Variants in COL23A1 observed in about 807,000 individuals in gnomAD.
COL23A1 encodes the protein collagen alpha-1(XXIII) chain.
A neutral mutation model predicts 99.3 loss-of-function variants in COL23A1; 97 were observed. The ratio of observed to expected loss-of-function variants is 0.98; its 90% confidence interval spans 0.83 to 1.16. The LOEUF (loss-of-function observed/expected upper bound fraction) is 1.16. COL23A1 is among the 50% of genes most tolerant of loss of function. The probability of loss-of-function intolerance (pLI) is 0.00; values close to 1 mark genes in which losing one functional copy is unlikely to be tolerated. For missense variants in COL23A1, 762 were observed against 757.4 expected (o/e 1.01, Z -0.07); for synonymous variants, 320 against 308.2 (o/e 1.04, Z -0.40).
chr5:178,270,375 G>C lies in COL23A1; in HGVS notation c.442-12C>G. The C allele has an allele frequency of 1.2e-6, 2 of 1,613,772 alleles. No homozygotes were observed. The highest frequency in any genetic ancestry group is 8.5e-7 in the Non-Finnish European group (1 of 1,179,886). On this transcript the variant is annotated splice_polypyrimidine_tract_variant and intron_variant, in intron 5 of 28. Transcript: ENST00000390654. ...AAACCCAGGGGTCCCTGGAAAACGAGAGAGAGAGAACACAGGTTACACACG... is the reference window on the plus strand; with the variant it reads ...AAACCCAGGGGTCCCTGGAAAACGACAGAGAGAGAACACAGGTTACACACG...
At chr5:178,586,016 C>T (rs770981408) in intron 1 of COL23A1, among the ~76,000 whole-genome samples, 3 of 152,188 alleles carry the variant, frequency 2.0e-5, no homozygotes, top group African/African-American at 4.8e-5. Flanking sequence ...CTCTTCCCTG[C>T]CCCCTTCCCT....
At chr5:178,240,457 C>A (rs1181660209) in intron 27 of COL23A1, among the ~76,000 whole-genome samples, 1 of 152,232 alleles carries the variant, frequency 6.6e-6, no homozygotes, top group Non-Finnish European at 1.5e-5. Context: ...GCCAGGCCGC[C>A]TACCGCAGGG....
At chr5:178,470,824 A>G (rs1300512271) in intron 2 of COL23A1, among the ~76,000 whole-genome samples, 2 of 152,174 alleles carry the variant, frequency 1.3e-5, no homozygotes, top group Admixed American at 6.5e-5. Flanking sequence ...GGCCCCACTG[A>G]GCGGCCGTTC....
intron 3 of COL23A1, among the ~76,000 whole-genome samples, chr5:178,303,495 GA>G (rs1758181092): frequency 6.6e-6 from 1 of 152,222 alleles, no homozygotes; most frequent in Non-Finnish European, 1.5e-5. Context: ...TTATGGAGAA[GA>G]TCTTTAGAAG....
Position 178,255,013 on chromosome 5 carries a change from A to C in COL23A1, c.896T>G (p.Leu299Arg), listed in dbSNP as rs756939003. Residue 299 changes from leucine to arginine, a missense_variant, in exon 16 of 29, where the codon CTC becomes CGC. Transcript: ENST00000390654. This position sits in a 1 kb window ranked among gnomAD's most constrained non-coding sequence, Gnocchi z 4.2. Reference protein sequence around the residue: ...GAAGPRGAPGLKGEQGDTVVI... With the variant: ...GAAGPRGAPGRKGEQGDTVVI... Reference sequence around the variant, plus strand: ...CACTGTGTCTCCCTGCTCGCCCTTGAGGCCTGGGGCACCCTGAGGCAGGAA... The same window carrying C: ...CACTGTGTCTCCCTGCTCGCCCTTGCGGCCTGGGGCACCCTGAGGCAGGAA... 3.7e-5 allele frequency: 60 copies of C among 1,613,334 alleles called. No homozygotes were observed. The highest frequency in any genetic ancestry group is 1.3e-4 in the Admixed American group (8 of 59,940).
At chr5:178,392,505 G>C (rs924584743) in intron 2 of COL23A1, among the ~76,000 whole-genome samples, 18 of 152,130 alleles carry the variant, frequency 1.2e-4, no homozygotes, top group Non-Finnish European at 4.4e-5. Flanking sequence ...GAATTGCCCT[G>C]GCTAACTGTC....
chr5:178,433,756 T>C (rs1355317342), intron 2 of COL23A1, among the ~76,000 whole-genome samples: 5 of 152,238 alleles, frequency 3.3e-5, no homozygotes, highest in African/African-American at 1.2e-4. Flanking sequence ...TTTAACCCTC[T>C]GTTAATGGCT....
At chr5:178,272,073 C>T (rs1241556995) in intron 5 of COL23A1, among the ~76,000 whole-genome samples, 2 of 152,254 alleles carry the variant, frequency 1.3e-5, no homozygotes, top group African/African-American at 4.8e-5. Context: ...CTCTGCACCC[C>T]TGTCCGTCCC....
chr5:178,568,813 T>G (rs1313675049), intron 1 of COL23A1, among the ~76,000 whole-genome samples: 2 of 152,260 alleles, frequency 1.3e-5, no homozygotes, highest in Non-Finnish European at 2.9e-5. Flanking sequence ...TACACTACCA[T>G]TTGCTCATCC....
chr5:178,245,779 G>A (rs183443748), intron 25 of COL23A1, among the ~76,000 whole-genome samples, 163 bp downstream of exon 25: 58 of 152,306 alleles, frequency 3.8e-4, no homozygotes, highest in African/African-American at 1.3e-3. Context: ...ACTCTGGGTC[G>A]TGCACTGGAC....
At chr5:178,245,810 G>T in intron 25 of COL23A1, 132 bp downstream of exon 25, 1 of 1,031,684 alleles carries the variant, frequency 9.7e-7, no homozygotes, top group Non-Finnish European at 1.5e-6. Flanking sequence ...GGACACAGGG[G>T]GAACCAGTCA....
At chr5:178,410,318 T>G (rs1003142792) in intron 2 of COL23A1, among the ~76,000 whole-genome samples, 1 of 152,222 alleles carries the variant, frequency 6.6e-6, no homozygotes, top group African/African-American at 2.4e-5. Context: ...ACAGATTCAA[T>G]GCACTTCCTA....
At chr5:178,538,828 C>T (rs1402962739) in intron 2 of COL23A1, among the ~76,000 whole-genome samples, 1 of 152,168 alleles carries the variant, frequency 6.6e-6, no homozygotes. Flanking sequence ...ACCCACATGT[C>T]CATCAACTGA....
At chr5:178,386,856 C>T (rs899198052) in intron 2 of COL23A1, among the ~76,000 whole-genome samples, 2 of 152,242 alleles carry the variant, frequency 1.3e-5, no homozygotes, top group Admixed American at 1.3e-4. Context: ...CTTCTTTTGC[C>T]CTGATGCTCA....
intron 1 of COL23A1, among the ~76,000 whole-genome samples, chr5:178,578,191 C>T (rs1470940353): frequency 6.6e-6 from 1 of 152,042 alleles, no homozygotes; most frequent in Non-Finnish European, 1.5e-5. Flanking sequence ...ACATGAAACA[C>T]GTGCACACAT....
At chr5:178,245,673 G>A (rs531073624) in intron 25 of COL23A1, among the ~76,000 whole-genome samples, 13 of 151,288 alleles carry the variant, frequency 8.6e-5, no homozygotes, top group African/African-American at 1.5e-4. Flanking sequence ...TCCATCCATC[G>A]ATTCATCCTC....
At chr5:178,507,208 C>A (rs1758922226) in intron 2 of COL23A1, among the ~76,000 whole-genome samples, 1 of 152,204 alleles carries the variant, frequency 6.6e-6, no homozygotes, top group African/African-American at 2.4e-5. Context: ...TCGGCAATAT[C>A]CTGACAGTAA....
At chr5:178,518,484 C>T (rs1304246447) in intron 2 of COL23A1, among the ~76,000 whole-genome samples, 24 of 146,900 alleles carry the variant, frequency 1.6e-4, no homozygotes, top group African/African-American at 5.0e-4. Context: ...CGGGCAGAGG[C>T]GCCCCTCACC....
intron 15 of COL23A1, 65 bp downstream of exon 15, chr5:178,256,288 G>T: frequency 8.1e-7 from 1 of 1,227,928 alleles, no homozygotes; most frequent in Middle Eastern, 2.2e-4. Flanking sequence ...GGGGACAGGG[G>T]CTTCTGAAGC....
Sources: allele counts gnomAD v4.1 joint callset (sites outside exome capture counted in the v4.1 genomes callset), GRCh38; gene constraint gnomAD v4.1.1; non-coding constraint Gnocchi (gnomAD v3.1); transcripts MANE v1.5; gene names NCBI Gene and HGNC (gene_info 2026-07-23, HGNC 2026-07-21).